ODF2L: variants seen among roughly 807,000 people sequenced by gnomAD.
The protein encoded by ODF2L is outer dense fiber of sperm tails 2 like.
Under a neutral mutation model 86.3 loss-of-function variants are expected in ODF2L, and 76 were observed. The ratio of observed to expected loss-of-function variants is 0.88; its 90% CI spans 0.73 to 1.07. The LOEUF (loss-of-function observed/expected upper bound fraction) is 1.07. Among genes scored for constraint, ODF2L ranks in the 50% least tolerant of loss-of-function variants. The pLI, the probability that ODF2L is intolerant of heterozygous loss-of-function variation, is 0.00. For missense variants in ODF2L, 748 were observed against 717.4 expected (o/e 1.04, Z -0.49); for synonymous variants, 241 against 231.3 (o/e 1.04, Z -0.38).
intron 4 of ODF2L, among the ~76,000 whole-genome samples, chr1:86,383,717 T>C (rs1660742606): frequency 6.6e-6 from 1 of 151,692 alleles, no homozygotes; most frequent in African/African-American, 2.4e-5. Context: ...AAACCACATA[T>C]ATATGTACAT....
chr1:86,377,893 C>T (rs2390097), intron 7 of ODF2L, among the ~76,000 whole-genome samples: 45,595 of 152,090 alleles, frequency 0.3, 7,136 homozygotes, highest in East Asian at 0.41. Flanking sequence ...CATTAATATT[C>T]GGCTTCTCAT....
At chr1:86,376,297 T>C (rs1317477724) in exon 8 of ODF2L, 1 of 1,613,206 alleles carries the variant, frequency 6.2e-7, no homozygotes, top group Non-Finnish European at 8.5e-7. Context: ...CCTTTGTTTG[T>C]AAACTTTAGA....
chr1:86,359,629 T>C (rs1421948828), intron 12 of ODF2L, among the ~76,000 whole-genome samples: 2 of 150,446 alleles, frequency 1.3e-5, no homozygotes, highest in Non-Finnish European at 1.5e-5. Context: ...ATTCAAGCAA[T>C]TCTCCTGCCT....
intron 7 of ODF2L, among the ~76,000 whole-genome samples, chr1:86,378,754 A>T (rs1379630613): frequency 6.6e-6 from 1 of 152,068 alleles, no homozygotes; most frequent in Non-Finnish European, 1.5e-5. Context: ...AACCACCCCC[A>T]TGATCCAATC....
At chr1:86,368,573 C>G (rs1659596824) in intron 11 of ODF2L, 1 of 1,256,334 alleles carries the variant, frequency 8.0e-7, no homozygotes, top group Non-Finnish European at 1.0e-6. Context: ...AAATCAAAAA[C>G]ACATTTTATT....
At chr1:86,348,892 G>GA (rs773543285), downstream of ODF2L, 50 of 1,545,932 alleles carry the variant, frequency 3.2e-5, no homozygotes, top group South Asian at 1.1e-4. Flanking sequence ...AAGAAAAAAG[G>GA]AAAAAAATAC....
At chr1:86,352,902 T>C (rs770734008) in exon 17 of ODF2L, 3 of 1,555,420 alleles carry the variant, frequency 1.9e-6, no homozygotes, top group African/African-American at 2.7e-5. Flanking sequence ...TTCATTTTTC[T>C]TTCTAAGCTC....
chr1:86,380,011 T>C (rs954963239), intron 7 of ODF2L, among the ~76,000 whole-genome samples: 1 of 152,196 alleles, frequency 6.6e-6, no homozygotes, highest in Non-Finnish European at 1.5e-5. Context: ...CTTAAAGTAT[T>C]TGAGTATTAA....
intron 3 of ODF2L, 79 bp from the exon 4 acceptor site, chr1:86,384,880 TA>T (rs1660833835): frequency 5.4e-6 from 6 of 1,110,738 alleles, no homozygotes; most frequent in Non-Finnish European, 5.9e-6. Flanking sequence ...TATCAAACAA[TA>T]TTTTTTCCTA....
At chr1:86,388,444 A>C (rs1351965385) in intron 1 of ODF2L, among the ~76,000 whole-genome samples, 1 of 152,036 alleles carries the variant, frequency 6.6e-6, no homozygotes, top group African/African-American at 2.4e-5. Flanking sequence ...TGTGGACTGG[A>C]ATCTCAAGAA....
At position 86,387,091 on chromosome 1, in the gene ODF2L, G is replaced by A. The variant is rs556637462; in HGVS notation, c.-59-5C>T. 4.1e-6 allele frequency: 3 copies of A among 727,324 alleles called. No homozygotes were observed. Among genetic ancestry groups the A allele is most frequent in the Middle Eastern group, 2.7e-4 (1 of 3,658 alleles). 45.1% of individuals were successfully genotyped at this position (727,324 alleles called of 1,614,324 possible). ...CTTCTCCACATAAGCTGAAAGCTAG[G>A]AAATATTTTAGTTATTAAATTTATT... On this transcript the variant is annotated splice_region_variant and splice_polypyrimidine_tract_variant and intron_variant, in intron 1 of 17. Coordinates refer to ENST00000317336, the Ensembl canonical transcript of ODF2L.
At chr1:86,360,616 A>C in intron 11 of ODF2L, 80 bp from the exon 11 acceptor site, 1 of 610,858 alleles carries the variant, frequency 1.6e-6, no homozygotes, top group East Asian at 2.9e-5. Context: ...TAAAAACATA[A>C]CTCATGTATT....
At chr1:86,352,184 A>G (rs1658182392) in exon 18 of ODF2L, 1 of 1,522,294 alleles carries the variant, frequency 6.6e-7, no homozygotes, top group Non-Finnish European at 8.8e-7. Flanking sequence ...AATTAAAAAA[A>G]TAGATTTCAT....
At chr1:86,393,011 T>C (rs555493215) in intron 1 of ODF2L, among the ~76,000 whole-genome samples, 1 of 152,278 alleles carries the variant, frequency 6.6e-6, no homozygotes, top group East Asian at 1.9e-4. Flanking sequence ...TATGTTCCAC[T>C]GTGGCCAACA....
At chr1:86,358,096 C>A (rs1349634006) in intron 13 of ODF2L, 1 of 985,344 alleles carries the variant, frequency 1.0e-6, no homozygotes, top group Non-Finnish European at 1.2e-6. Flanking sequence ...CTTGCTCTGA[C>A]TTCTCAATCC....
At chr1:86,383,235 T>C (rs1660706100) in intron 4 of ODF2L, 39 bp from the exon 5 acceptor site, 22 of 1,020,348 alleles carry the variant, frequency 2.2e-5, no homozygotes, top group Middle Eastern at 2.8e-4. Context: ...TCGCAAATTA[T>C]ATTTCTCTAT....
intron 11 of ODF2L, among the ~76,000 whole-genome samples, chr1:86,366,466 A>C (rs1243067063): frequency 6.6e-6 from 1 of 151,290 alleles, no homozygotes; most frequent in African/African-American, 2.4e-5. Context: ...ATTCACACAC[A>C]CAAATTAGCT....
chr1:86,362,660 T>G (rs1485277934), intron 11 of ODF2L, among the ~76,000 whole-genome samples: 1 of 147,668 alleles, frequency 6.8e-6, no homozygotes, highest in Non-Finnish European at 1.5e-5. Context: ...CTCTTTGGAA[T>G]TTTCTTTTCT....
chr1:86,358,964 T>C (rs1021736554), intron 12 of ODF2L, 73 bp from the exon 12 acceptor site: 2 of 730,970 alleles, frequency 2.7e-6, no homozygotes, highest in Non-Finnish European at 4.3e-6. Context: ...AAATTTAAAA[T>C]TTCATTTTAA....
Sources: allele counts gnomAD v4.1 joint callset (sites outside exome capture counted in the v4.1 genomes callset), GRCh38; gene constraint gnomAD v4.1.1; transcripts MANE v1.5; gene names NCBI Gene and HGNC (gene_info 2026-07-23, HGNC 2026-07-21).